Variants in SSBP3 observed in about 807,000 individuals in gnomAD.
SSBP3 encodes the protein single stranded DNA binding protein 3, also known as single-stranded DNA-binding protein 3.
Under a neutral mutation model 69.6 loss-of-function variants are expected in SSBP3, and 5 were observed. The ratio of observed to expected loss-of-function variants is 0.07; its 90% CI spans 0.04 to 0.15. SSBP3 has a LOEUF of 0.15. SSBP3 is among the 10% of genes least tolerant of loss of function. The pLI is 1.00. For missense variants in SSBP3, 312 were observed against 534.0 expected, an observed-to-expected ratio of 0.58 and a Z score of 4.10; for synonymous variants, 196 against 193.4, an observed-to-expected ratio of 1.01 and a Z score of -0.11.
At chr1:54,407,287 T>TG (rs1207261028), upstream of SSBP3, among the ~76,000 whole-genome samples, 2 of 151,928 alleles carry the variant, frequency 1.3e-5, no homozygotes, top group South Asian at 2.1e-4. Flanking sequence ...CACTCGGAGA[T>TG]GGGGGGCGTC....
At chr1:54,301,136 G>A (rs1055224329) in intron 4 of SSBP3, among the ~76,000 whole-genome samples, 2 of 152,154 alleles carry the variant, frequency 1.3e-5, no homozygotes, top group Non-Finnish European at 2.9e-5. Context: ...GGCTCAGAGA[G>A]GTCACTCGGC....
At chr1:54,404,634 G>T in exon 3 of SSBP3, 1 of 1,613,864 alleles carries the variant, frequency 6.2e-7, no homozygotes, top group Non-Finnish European at 8.5e-7. Context: ...TTTTCCCATC[G>T]AATCTGGAAA....
intron 14 of SSBP3, chr1:54,238,643 G>GA (rs1419162524): frequency 3.2e-6 from 1 of 315,536 alleles, no homozygotes; most frequent in African/African-American, 2.2e-5. Flanking sequence ...GAGAGGCAAA[G>GA]AAGCTGCCAG....
intron 4 of SSBP3, among the ~76,000 whole-genome samples, chr1:54,282,209 C>G (rs1265056622): frequency 1.3e-5 from 2 of 152,216 alleles, no homozygotes; most frequent in East Asian, 3.8e-4. Flanking sequence ...TGGCCCTGGG[C>G]CGTGTCTGCC....
intron 5 of SSBP3, among the ~76,000 whole-genome samples, chr1:54,261,079 C>T (rs1178953269): frequency 6.6e-6 from 1 of 152,246 alleles, no homozygotes; most frequent in Non-Finnish European, 1.5e-5. Flanking sequence ...TCTCTGCTAC[C>T]TCCACTCAGC....
chr1:54,291,395 G>A (rs1040637528), intron 4 of SSBP3, among the ~76,000 whole-genome samples: 1 of 152,148 alleles, frequency 6.6e-6, no homozygotes, highest in Non-Finnish European at 1.5e-5. Flanking sequence ...CTGTGTAAAT[G>A]AACAGTCGGG....
intron 4 of SSBP3, among the ~76,000 whole-genome samples, chr1:54,350,502 G>A (rs1406044584): frequency 6.6e-6 from 1 of 152,204 alleles, no homozygotes; most frequent in Non-Finnish European, 1.5e-5. Flanking sequence ...TGAGATTTAC[G>A]AGGGCCACAG....
At chr1:54,403,545 G>A (rs1649458262) in intron 3 of SSBP3, among the ~76,000 whole-genome samples, 1 of 152,158 alleles carries the variant, frequency 6.6e-6, no homozygotes, top group Non-Finnish European at 1.5e-5. Flanking sequence ...AAGACCGGCA[G>A]TTCCGAGGTT....
upstream of SSBP3, among the ~76,000 whole-genome samples, chr1:54,409,799 G>A (rs1383445149): frequency 1.3e-5 from 2 of 151,318 alleles, no homozygotes; most frequent in South Asian, 2.1e-4. Flanking sequence ...CTTATTGAAC[G>A]CCTGCTATAT....
chr1:54,310,437 A>G, intron 4 of SSBP3, among the ~76,000 whole-genome samples: 1 of 152,194 alleles, frequency 6.6e-6, no homozygotes, highest in Non-Finnish European at 1.5e-5. Context: ...TTGGGTACAC[A>G]TAAGAAAAGA....
chr1:54,362,458 T>C (rs1024776239), intron 4 of SSBP3, among the ~76,000 whole-genome samples: 5 of 152,218 alleles, frequency 3.3e-5, no homozygotes, highest in Admixed American at 2.0e-4. Context: ...AAGACTGACT[T>C]AGTGAGCAAA....
chr1:54,407,915 C>A (rs1649890006), upstream of SSBP3, among the ~76,000 whole-genome samples: 2 of 151,924 alleles, frequency 1.3e-5, no homozygotes. Flanking sequence ...ACAAAATAAA[C>A]AATAATTCCC....
chr1:54,378,844 A>G (rs1031119944), intron 4 of SSBP3, among the ~76,000 whole-genome samples: 3 of 152,188 alleles, frequency 2.0e-5, no homozygotes, highest in African/African-American at 7.2e-5. Context: ...AGGAAAAGAG[A>G]GCCCGCTTTA....
chr1:54,230,384 A>G (rs1354814434), intron 14 of SSBP3, among the ~76,000 whole-genome samples: 3 of 152,234 alleles, frequency 2.0e-5, no homozygotes, highest in Non-Finnish European at 4.4e-5. Context: ...ATCCCCAAAC[A>G]TGATAATACA....
chr1:54,348,794 G>A (rs997230110), intron 4 of SSBP3, among the ~76,000 whole-genome samples: 3 of 152,202 alleles, frequency 2.0e-5, no homozygotes, highest in Non-Finnish European at 4.4e-5. Flanking sequence ...GGAAGAGCAA[G>A]GCCAAGGCCT....
At chr1:54,389,752 C>T (rs1264949968) in intron 4 of SSBP3, among the ~76,000 whole-genome samples, 2 of 151,910 alleles carry the variant, frequency 1.3e-5, no homozygotes, top group Non-Finnish European at 2.9e-5. Flanking sequence ...TGGCACATGC[C>T]TGTAGTCCCA....
chr1:54,408,276 G>C (rs12068936), upstream of SSBP3, among the ~76,000 whole-genome samples: 83 of 152,322 alleles, frequency 5.4e-4, no homozygotes, highest in African/African-American at 1.7e-3. Context: ...TACAAGGATA[G>C]GGGAGAGAAG....
chr1:54,338,914 T>C (rs1646558188), intron 4 of SSBP3, among the ~76,000 whole-genome samples: 1 of 152,232 alleles, frequency 6.6e-6, no homozygotes, highest in Non-Finnish European at 1.5e-5. Flanking sequence ...AACCAGATCA[T>C]GACGACGGTG....
intron 4 of SSBP3, among the ~76,000 whole-genome samples, chr1:54,355,496 G>A (rs1265835931): frequency 6.6e-6 from 1 of 152,132 alleles, no homozygotes; most frequent in Admixed American, 6.5e-5. Flanking sequence ...GTACAGGCAC[G>A]TGCCACCATG....
Sources: gnomAD v4.1 joint callset for allele counts (sites outside exome capture counted in the v4.1 genomes callset) on GRCh38, gnomAD v4.1.1 for gene constraint, MANE v1.5 for transcripts, NCBI Gene and HGNC (gene_info 2026-07-23, HGNC 2026-07-21) for gene names.